PTPRK: variants seen among roughly 807,000 people sequenced by gnomAD.
PTPRK encodes the protein protein tyrosine phosphatase receptor type K.
A neutral mutation model predicts 178.0 loss-of-function variants in PTPRK; 75 were observed. The ratio of observed to expected loss-of-function variants is 0.42; its 90% CI spans 0.35 to 0.51. The LOEUF is 0.51. PTPRK is among the 20% of genes least tolerant of loss of function. The pLI is 0.02. For missense variants in PTPRK, 1,441 were observed against 1,797.8 expected (o/e 0.80, Z 3.59); for synonymous variants, 637 against 620.6 (o/e 1.03, Z -0.39).
chr6:128,015,435 G>A (rs1001236236), intron 13 of PTPRK, among the ~76,000 whole-genome samples: 1 of 151,544 alleles, frequency 6.6e-6, no homozygotes, highest in Non-Finnish European at 1.5e-5. Context: ...TCTGAAATTG[G>A]TTCTGAATTC....
At position 128,017,802 on chromosome 6, in the gene PTPRK, G is replaced by A. The variant is rs9385449; in HGVS notation, c.2195-8534C>T. ...TACATATATAAATAAATATATATGTGTATATATATATATATATATATATAT... is the reference window on the plus strand; with the variant it reads ...TACATATATAAATAAATATATATGTATATATATATATATATATATATATAT... On this transcript the variant is annotated intron_variant, in intron 13 of 29. Coordinates refer to ENST00000368226, the MANE Select transcript of PTPRK (RefSeq NM_002844.4). Among the ~76,000 whole-genome samples the A allele has an allele frequency of 3.3e-4, 33 of 101,242 alleles. 1 individual carries two copies. The South Asian group carries it at 4.8e-3, about 15-fold the overall frequency. 66.4% of individuals were successfully genotyped at this position (101,242 alleles called of 152,430 possible). A position where few individuals can be genotyped will look rare whatever the true frequency, so the allele number is the denominator to read the frequency against.
intron 3 of PTPRK, among the ~76,000 whole-genome samples, chr6:128,308,839 C>T (rs1826824804): frequency 6.6e-6 from 1 of 152,146 alleles, no homozygotes; most frequent in East Asian, 1.9e-4. Context: ...TAAACTTTCG[C>T]CAAGCTTTGC....
At chr6:128,278,719 A>C (rs1821188573) in intron 3 of PTPRK, among the ~76,000 whole-genome samples, 1 of 152,148 alleles carries the variant, frequency 6.6e-6, no homozygotes. Flanking sequence ...AAGATAACAT[A>C]ACTAACTAAT....
At chr6:128,326,760 C>G (rs1427787506) in intron 2 of PTPRK, among the ~76,000 whole-genome samples, 1 of 151,918 alleles carries the variant, frequency 6.6e-6, no homozygotes, top group Non-Finnish European at 1.5e-5. Context: ...TAATTGTCTT[C>G]TAGGTTTTCA....
chr6:128,040,623 T>C (rs1275165934), intron 13 of PTPRK, among the ~76,000 whole-genome samples: 4 of 152,080 alleles, frequency 2.6e-5, no homozygotes, highest in Admixed American at 2.6e-4. Flanking sequence ...AAGAGTAACA[T>C]TGTTAACGAA....
intron 1 of PTPRK, among the ~76,000 whole-genome samples, chr6:128,411,284 A>C (rs1246820979): frequency 6.6e-6 from 1 of 152,204 alleles, no homozygotes; most frequent in African/African-American, 2.4e-5. Flanking sequence ...TAAGCTCTCC[A>C]AAAACTCAGG....
chr6:128,208,654 C>A (rs562865119), intron 6 of PTPRK, among the ~76,000 whole-genome samples: 1 of 152,084 alleles, frequency 6.6e-6, no homozygotes, highest in Non-Finnish European at 1.5e-5. Context: ...AAAAACTGTG[C>A]TTTCATCCAC....
At chr6:128,497,443 TTAA>T (rs1854848763) in intron 1 of PTPRK, among the ~76,000 whole-genome samples, 1 of 151,974 alleles carries the variant, frequency 6.6e-6, no homozygotes, top group South Asian at 2.1e-4. Context: ...GACCCTGTCT[TTAA>T]TAATAATAAT....
intron 10 of PTPRK, among the ~76,000 whole-genome samples, 170 bp downstream of exon 10, chr6:128,082,267 A>G (rs1358030386): frequency 1.3e-5 from 2 of 152,184 alleles, no homozygotes; most frequent in Non-Finnish European, 2.9e-5. Flanking sequence ...TGGTTTGGAC[A>G]TATAATTCAT....
In PTPRK at chr6:128,520,275, T is replaced by C. The variant is rs1858850934; in HGVS notation, c.84A>G (p.Gln28=). The change falls in exon 1 of 30, where the codon CAA becomes CAG. Residue 28 remains glutamine, a synonymous_variant. Coordinates refer to ENST00000368226, the MANE Select transcript of PTPRK (RefSeq NM_002844.4). ...GCCACTCACCTGCGGAGAACTGGCC[T>C]TGGGCCGATCCCAGGAGAGGCCAAG... ...LSPWPLLGSA[Q]GQFSAGGCTF... is the part of the protein sequence containing the mutation. 1 of 1,602,712 alleles carries C rather than the reference T, an allele frequency of 6.2e-7. No individual in the cohort carries two copies. Among genetic ancestry groups the C allele is most frequent in the Non-Finnish European group, 8.5e-7 (1 of 1,174,650 alleles).
chr6:128,520,094 C>A (rs533603236), intron 1 of PTPRK, among the ~76,000 whole-genome samples, 165 bp downstream of exon 1: 29 of 152,300 alleles, frequency 1.9e-4, no homozygotes, highest in African/African-American at 6.7e-4. Flanking sequence ...CCGCGTCCCA[C>A]CTGGCACGAA....
chr6:127,974,382 T>A (rs912160368), intron 27 of PTPRK, among the ~76,000 whole-genome samples: 2 of 152,226 alleles, frequency 1.3e-5, no homozygotes, highest in African/African-American at 4.8e-5. Flanking sequence ...TTTTAATCCA[T>A]ATATCAAGTC....
intron 3 of PTPRK, among the ~76,000 whole-genome samples, chr6:128,299,225 A>C (rs1358621726): frequency 6.6e-6 from 1 of 152,000 alleles, no homozygotes; most frequent in Non-Finnish European, 1.5e-5. Context: ...AAAAGAGGAT[A>C]CAAACAAATG....
At chr6:128,280,251 G>A (rs895950897) in intron 3 of PTPRK, among the ~76,000 whole-genome samples, 10 of 152,196 alleles carry the variant, frequency 6.6e-5, no homozygotes, top group Middle Eastern at 3.4e-3. Flanking sequence ...CTCTCCTCAG[G>A]ACCTGTAAAG....
intron 2 of PTPRK, among the ~76,000 whole-genome samples, chr6:128,353,533 T>C (rs1356791537): frequency 3.3e-5 from 5 of 152,216 alleles, no homozygotes; most frequent in Non-Finnish European, 7.3e-5. Context: ...ATAAAGGAAC[T>C]ATTAATATGC....
intron 6 of PTPRK, among the ~76,000 whole-genome samples, chr6:128,210,082 T>A (rs1263501641): frequency 6.6e-6 from 1 of 152,032 alleles, no homozygotes; most frequent in Non-Finnish European, 1.5e-5. Context: ...GATCAATAAG[T>A]AGGTTTTTTA....
chr6:128,003,946 T>C (rs1328395324), intron 15 of PTPRK, among the ~76,000 whole-genome samples: 2 of 151,878 alleles, frequency 1.3e-5, no homozygotes, highest in Non-Finnish European at 2.9e-5. Context: ...TATACATATA[T>C]ACATAGAAAA....
chr6:128,322,667 A>AATATATATATATATATATATATATATAT (rs10651820), intron 2 of PTPRK, among the ~76,000 whole-genome samples: 1,666 of 142,994 alleles, frequency 0.012, 17 homozygotes, highest in Non-Finnish European at 0.018. Context: ...CTTTTAATAT[A>AATATATATATATATATATATATATATAT]ATATATATAT....
At chr6:128,110,671 A>G (rs1019326897) in intron 7 of PTPRK, among the ~76,000 whole-genome samples, 1 of 152,170 alleles carries the variant, frequency 6.6e-6, no homozygotes, top group Non-Finnish European at 1.5e-5. Context: ...AAGAGCCAAG[A>G]GTCAAGCACA....
Sources: gnomAD v4.1 joint callset for allele counts (sites outside exome capture counted in the v4.1 genomes callset) on GRCh38, gnomAD v4.1.1 for gene constraint, MANE v1.5 for transcripts, NCBI Gene and HGNC (gene_info 2026-07-23, HGNC 2026-07-21) for gene names.